Variants in CDH12 observed in about 807,000 individuals in gnomAD.
The protein encoded by CDH12 is cadherin-12.
Under a neutral mutation model 74.1 loss-of-function variants are expected in CDH12, and 41 were observed. The ratio of observed to expected loss-of-function variants is 0.55; its 90% CI spans 0.43 to 0.72. The LOEUF (loss-of-function observed/expected upper bound fraction) is 0.72, where lower values mean the gene tolerates loss of function less well. Among genes scored for constraint, CDH12 ranks in the 30% least tolerant of loss-of-function variants. The pLI is 0.00. For synonymous variants in CDH12, 399 were observed against 355.0 expected, an observed-to-expected ratio of 1.12 and a Z score of -1.39; for missense variants, 945 against 977.2, an observed-to-expected ratio of 0.97 and a Z score of 0.44.
At chr5:21,982,522 T>C (rs1315362118) in intron 5 of CDH12, among the ~76,000 whole-genome samples, 1 of 151,748 alleles carries the variant, frequency 6.6e-6, no homozygotes, top group Non-Finnish European at 1.5e-5. Flanking sequence ...TATAGAGAGA[T>C]ACATCTATAT....
At chr5:22,574,881 C>T (rs529104682) in intron 1 of CDH12, among the ~76,000 whole-genome samples, 1 of 152,248 alleles carries the variant, frequency 6.6e-6, no homozygotes, top group South Asian at 2.1e-4. Context: ...GATGAGTGTT[C>T]TAACACCCAA....
intron 3 of CDH12, among the ~76,000 whole-genome samples, chr5:22,348,891 T>G (rs1010246758): frequency 2.6e-5 from 4 of 152,186 alleles, no homozygotes; most frequent in African/African-American, 9.7e-5. Flanking sequence ...GCCTGGCATA[T>G]AGAGCAGGCA....
intron 1 of CDH12, among the ~76,000 whole-genome samples, chr5:22,632,342 G>T (rs994330388): frequency 1.3e-5 from 2 of 151,740 alleles, no homozygotes; most frequent in Admixed American, 6.6e-5. Flanking sequence ...GTGAGAATGC[G>T]CTAATACATT....
At chr5:22,064,617 G>A (rs1301104719) in intron 5 of CDH12, among the ~76,000 whole-genome samples, 4 of 152,110 alleles carry the variant, frequency 2.6e-5, no homozygotes, top group Admixed American at 6.6e-5. Flanking sequence ...TTGCAAGAGC[G>A]AAGCATCTGA....
intron 3 of CDH12, among the ~76,000 whole-genome samples, chr5:22,254,702 T>C (rs1392730054): frequency 1.3e-5 from 2 of 151,800 alleles, no homozygotes; most frequent in Admixed American, 6.6e-5. Context: ...TATATAATTA[T>C]ACATATTTAT....
chr5:22,317,829 A>G (rs1738696098), intron 3 of CDH12, among the ~76,000 whole-genome samples: 1 of 152,146 alleles, frequency 6.6e-6, no homozygotes, highest in Non-Finnish European at 1.5e-5. Flanking sequence ...TTTTTAAGCA[A>G]AGAGAGTACT....
In CDH12 at chr5:21,771,929, CAA is replaced by C. The variant is rs554911630; in HGVS notation, c.1394-6832_1394-6831del. Among the ~76,000 whole-genome samples the C allele has an allele frequency of 1.8e-4, 28 of 152,268 alleles. 1 individual carries two copies. The South Asian group carries it at 4.3e-3, about 24-fold the overall frequency. The stretch of plus-strand genomic sequence containing the variant: ...GATGAAATTTGGTATCTTATTGCTA[CAA>C]AGAGTCTGTTTTGTCATTCGTAAGA... On this transcript the variant is annotated intron_variant, in intron 11 of 14. Transcript: ENST00000382254.
chr5:22,239,712 C>G (rs1752682033), intron 3 of CDH12, among the ~76,000 whole-genome samples: 1 of 152,094 alleles, frequency 6.6e-6, no homozygotes, highest in Non-Finnish European at 1.5e-5. Flanking sequence ...TTTCAGGTGG[C>G]AACAGTGAAG....
At chr5:22,335,719 C>T (rs1323420727) in intron 3 of CDH12, among the ~76,000 whole-genome samples, 3 of 152,152 alleles carry the variant, frequency 2.0e-5, no homozygotes, top group Admixed American at 6.5e-5. Flanking sequence ...TCCCCAGCCA[C>T]ATGGAACTGT....
chr5:22,399,880 A>C (rs531463431), intron 3 of CDH12, among the ~76,000 whole-genome samples: 14 of 152,210 alleles, frequency 9.2e-5, no homozygotes, highest in Non-Finnish European at 2.1e-4. Flanking sequence ...ATTAAAGCTG[A>C]CTCTGTGTTT....
At chr5:22,071,312 C>T (rs551185505) in intron 5 of CDH12, among the ~76,000 whole-genome samples, 1 of 152,130 alleles carries the variant, frequency 6.6e-6, no homozygotes, top group Admixed American at 6.6e-5. Context: ...TCCTCAGTCT[C>T]CTTCATTTAT....
chr5:22,727,644 ATAAATTCCTTTT>A (rs1157228846), intron 1 of CDH12, among the ~76,000 whole-genome samples: 5 of 151,716 alleles, frequency 3.3e-5, no homozygotes, highest in Admixed American at 1.3e-4. Flanking sequence ...CTTCATGGTA[ATAAATTCCTTTT>A]TCTTCTGCCT....
At chr5:22,707,965 C>G (rs556071434) in intron 1 of CDH12, among the ~76,000 whole-genome samples, 2 of 152,066 alleles carry the variant, frequency 1.3e-5, no homozygotes, top group Non-Finnish European at 2.9e-5. Context: ...CTAATCGGCT[C>G]TATAACATTG....
chr5:22,081,678 T>C (rs1417849806), intron 4 of CDH12, among the ~76,000 whole-genome samples: 1 of 152,182 alleles, frequency 6.6e-6, no homozygotes, highest in Non-Finnish European at 1.5e-5. Context: ...CAAGTGTCTT[T>C]TTATTGTATA....
intron 2 of CDH12, among the ~76,000 whole-genome samples, chr5:22,447,463 C>T (rs888837073): frequency 6.6e-6 from 1 of 151,942 alleles, no homozygotes; most frequent in African/African-American, 2.4e-5. Context: ...TTTTAAAAAT[C>T]TTGAATTGAT....
intron 2 of CDH12, among the ~76,000 whole-genome samples, chr5:22,412,113 C>G (rs1307436035): frequency 6.6e-6 from 1 of 151,962 alleles, no homozygotes; most frequent in Non-Finnish European, 1.5e-5. Flanking sequence ...TTTTGATCAT[C>G]TTTCCAAGAA....
At chr5:22,849,472 C>A (rs1414025833) in intron 1 of CDH12, among the ~76,000 whole-genome samples, 2 of 152,174 alleles carry the variant, frequency 1.3e-5, no homozygotes, top group South Asian at 4.1e-4. Flanking sequence ...TATTTAGCAT[C>A]GTGCTTTGCC....
intron 2 of CDH12, among the ~76,000 whole-genome samples, chr5:22,419,289 C>T (rs1743533372): frequency 6.6e-6 from 1 of 152,088 alleles, no homozygotes; most frequent in African/African-American, 2.4e-5. Context: ...AGCTATTTGT[C>T]TTGATGATCT....
At chr5:22,052,112 G>C (rs543636143) in intron 5 of CDH12, among the ~76,000 whole-genome samples, 82 of 152,270 alleles carry the variant, frequency 5.4e-4, no homozygotes, top group African/African-American at 2.0e-3. Flanking sequence ...ATGTGATGAG[G>C]AAGAGAGGAA....
Sources: allele counts gnomAD v4.1 joint callset (sites outside exome capture counted in the v4.1 genomes callset), GRCh38; gene constraint gnomAD v4.1.1; transcripts MANE v1.5; gene names NCBI Gene and HGNC (gene_info 2026-07-23, HGNC 2026-07-21).